Variants in ZNF516 observed in about 807,000 individuals in gnomAD.
The protein encoded by ZNF516 is zinc finger protein 516.
ZNF516 carries 19 observed loss-of-function variants against 79.7 expected under a neutral mutation model. The ratio of observed to expected loss-of-function variants is 0.24; its 90% CI spans 0.17 to 0.35. The LOEUF is 0.35. Ranked by LOEUF, ZNF516 falls within the 10% of genes least tolerant of loss-of-function variation. ZNF516 has a pLI of 1.00. For missense variants in ZNF516, 1,678 were observed against 1,679.5 expected (o/e 1.00, Z 0.02); for synonymous variants, 877 against 739.5 (o/e 1.19, Z -3.02).
At chr18:76,377,359 T>C (rs2074805093) in intron 4 of ZNF516, among the ~76,000 whole-genome samples, 1 of 152,268 alleles carries the variant, frequency 6.6e-6, no homozygotes, top group Non-Finnish European at 1.5e-5. Context: ...AAAGCAGGAA[T>C]GTAACAAGGT....
At chr18:76,408,049 A>G (rs1367542443) in intron 3 of ZNF516, among the ~76,000 whole-genome samples, 1 of 152,194 alleles carries the variant, frequency 6.6e-6, no homozygotes, top group Non-Finnish European at 1.5e-5. Context: ...CACCATTTTA[A>G]AAGGACCAGA....
chr18:76,431,074 T>C (rs1599076973), intron 3 of ZNF516, among the ~76,000 whole-genome samples: 1 of 152,230 alleles, frequency 6.6e-6, no homozygotes, highest in Admixed American at 6.5e-5. Context: ...CATTTTAATA[T>C]GCAAAGGCTT....
intron 3 of ZNF516, among the ~76,000 whole-genome samples, chr18:76,416,340 C>G (rs1283218453): frequency 1.3e-5 from 2 of 152,216 alleles, no homozygotes; most frequent in African/African-American, 2.4e-5. Context: ...TGATGCTCCC[C>G]AAGTCTGTGA....
At position 76,451,004 on chromosome 18, in the gene ZNF516, A is replaced by G. The variant is rs1012788671; in HGVS notation, c.-157-7793T>C. 6.6e-6 allele frequency among the ~76,000 whole-genome samples: 1 copy of G among 152,202 alleles called. No homozygotes were observed. Among genetic ancestry groups the G allele is most frequent in the Non-Finnish European group, 1.5e-5 (1 of 68,036 alleles). On this transcript the variant is annotated intron_variant, in intron 2 of 6. Transcript: ENST00000443185. This position sits in a 1 kb window ranked among gnomAD's most constrained non-coding sequence, Gnocchi z 6.0. Reference sequence around the variant, plus strand: ...TCTCGTATTTAGAGTCATTTCCTCAACAATCGAACGCTTAAAGTTGCGGAA... The same window carrying G: ...TCTCGTATTTAGAGTCATTTCCTCAGCAATCGAACGCTTAAAGTTGCGGAA...
chr18:76,392,803 G>T (rs111647242), intron 3 of ZNF516, among the ~76,000 whole-genome samples: 1,139 of 34,490 alleles, frequency 0.033, 108 homozygotes, highest in East Asian at 0.056. Context: ...CAGGTGGCCA[G>T]GTGGGGGAAA....
rs1419323394 is a variant in ZNF516, at chr18:76,358,230, AGAAT to A, written c.*4264_*4267del. ...GTTTTTATTTATTTCAAATTCCAAT[AGAAT>A]GAATATGTTTTATCTAAATATTTTT... On this transcript the variant is annotated 3_prime_UTR_variant, in exon 7 of 7. Coordinates refer to ENST00000443185, the MANE Select transcript of ZNF516 (RefSeq NM_014643.4). 1 of 152,242 alleles carries A rather than the reference AGAAT, an allele frequency of 6.6e-6. No homozygotes were observed. The highest frequency in any genetic ancestry group is 2.4e-5 in the African/African-American group (1 of 41,464). The allele number at this position is 152,242 out of a possible 1,614,324, so 9.4% of individuals were successfully genotyped here.
chr18:76,492,179 C>T (rs1399150814), intron 1 of ZNF516: 1 of 985,302 alleles, frequency 1.0e-6, no homozygotes, highest in African/African-American at 1.7e-5. Flanking sequence ...GGTACAGAAG[C>T]GCAGCAACCC....
intron 3 of ZNF516, among the ~76,000 whole-genome samples, chr18:76,439,597 T>C (rs2075787549): frequency 6.6e-6 from 1 of 152,152 alleles, no homozygotes; most frequent in Non-Finnish European, 1.5e-5. Context: ...AAAGAGTACC[T>C]TCCAATTTAT....
chr18:76,374,316 T>C (rs1036314811), intron 4 of ZNF516, among the ~76,000 whole-genome samples: 3 of 152,240 alleles, frequency 2.0e-5, no homozygotes, highest in Admixed American at 2.0e-4. Context: ...TTATTACTGT[T>C]GTAGCAATAA....
intron 3 of ZNF516, among the ~76,000 whole-genome samples, chr18:76,426,739 T>C (rs971913450): frequency 2.0e-5 from 3 of 152,218 alleles, no homozygotes; most frequent in Non-Finnish European, 4.4e-5. Flanking sequence ...TTCTCATCTA[T>C]GTGCAGCATC....
intron 3 of ZNF516, among the ~76,000 whole-genome samples, chr18:76,398,570 G>C (rs921423848): frequency 1.3e-5 from 2 of 152,202 alleles, no homozygotes; most frequent in Non-Finnish European, 2.9e-5. Flanking sequence ...TTAGAGTAAG[G>C]AGGAGAGCAG....
intron 2 of ZNF516, among the ~76,000 whole-genome samples, chr18:76,448,914 G>A (rs765751699): frequency 2.0e-5 from 3 of 152,182 alleles, no homozygotes; most frequent in Non-Finnish European, 4.4e-5. Flanking sequence ...GGAGGGAAGC[G>A]ATTCACTATA....
Position 76,443,043 on chromosome 18 carries a change from G to C in ZNF516, c.12C>G (p.Asn4Lys), listed in dbSNP as rs754764602. 8 of 1,590,896 alleles carry C rather than the reference G, an allele frequency of 5.0e-6. No homozygotes were observed. The highest frequency in any genetic ancestry group is 2.3e-5 in the East Asian group (1 of 44,396). The stretch of plus-strand genomic sequence containing the variant: ...GCCTCAGCTCCATCTCGGCCTCTCT[G>C]TTGCGATCCATCCGAAGGACGGGCG... MDR[N>K]REAEMELRRG... is the part of the protein sequence containing the mutation. Residue 4 changes from asparagine to lysine, a missense_variant, in exon 3 of 7, where the codon AAC becomes AAG. Asn to Lys is a moderately conservative substitution (Grantham distance 94). Transcript: ENST00000443185.
At chr18:76,480,177 AAAAAAG>A in intron 1 of ZNF516, among the ~76,000 whole-genome samples, 1 of 151,632 alleles carries the variant, frequency 6.6e-6, no homozygotes, top group African/African-American at 2.4e-5. Flanking sequence ...AAAAAAAAAA[AAAAAAG>A]AACAAAAAAA....
At position 76,404,980 on chromosome 18, in the gene ZNF516, C is replaced by T. The variant is rs1241267065; in HGVS notation, c.1811-24677G>A. Among the ~76,000 whole-genome samples the T allele has an allele frequency of 2.6e-5, 4 of 152,262 alleles. No individual in the cohort carries two copies. The South Asian group carries it at 8.3e-4, about 32-fold the overall frequency. The stretch of plus-strand genomic sequence containing the variant: ...TCCCCCTACCCTCCTTGGTCCCCTC[C>T]CCACACATGCAGCAACCCAGGTATA... On this transcript the variant is annotated intron_variant, in intron 3 of 6. Transcript: ENST00000443185.
Position 76,493,063 on chromosome 18 carries a change from C to T in ZNF516, c.-272+2081G>A, listed in dbSNP as rs1165515086. ...TGGCCAGCAGAGCCGTCACTCACGC[C>T]CAGGGGGCAGGGAGACTTCGCAAAG... On this transcript the variant is annotated intron_variant, in intron 1 of 6. Transcript: ENST00000443185. The surrounding 1 kb of genome is among the most constrained non-coding windows in gnomAD (Gnocchi z 5.2). 2.0e-6 allele frequency: 2 copies of T among 985,186 alleles called. No individual in the cohort carries two copies. The highest frequency in any genetic ancestry group is 2.4e-6 in the Non-Finnish European group (2 of 829,886). 61.0% of individuals were successfully genotyped at this position (985,186 alleles called of 1,614,324 possible). A position where few individuals can be genotyped will look rare whatever the true frequency, so the allele number is the denominator to read the frequency against.
In ZNF516 at chr18:76,439,378, G is replaced by A. The variant is rs902744845; in HGVS notation, c.1810+1867C>T. ...CTCTTCCATGTTTCATGCCTCTGTC[G>A]AGCCATAAATTTCTGTCCTCTCTCA... On this transcript the variant is annotated intron_variant, in intron 3 of 6. Coordinates refer to ENST00000443185, the MANE Select transcript of ZNF516 (RefSeq NM_014643.4). Among the ~76,000 whole-genome samples the A allele has an allele frequency of 5.3e-5, 8 of 152,096 alleles. 1 individual carries two copies. Among genetic ancestry groups the A allele is most frequent in the African/African-American group, 1.4e-4 (6 of 41,396 alleles).
At position 76,379,742 on chromosome 18, in the gene ZNF516, G is replaced by A. The variant is rs1283659247; in HGVS notation, c.2372C>T (p.Ala791Val). Residue 791 changes from alanine to valine, a missense_variant, in exon 4 of 7, where the codon GCT becomes GTT. By Grantham distance (64) the Ala-to-Val change is moderately conservative. This residue lies in a region of ZNF516 where 1,294 missense variants were observed against 1,248.3 expected (regional missense o/e 1.04). Transcript: ENST00000443185. ...IWHRVSCNSVAPPWIQPNGYK... is the reference protein window; with the variant it reads ...IWHRVSCNSVVPPWIQPNGYK... ...ACCATTGGGCTGAATCCACGGGGGA[G>A]CCACGGAGTTGCAGCTGACGCGGTG... is the stretch of plus-strand genomic sequence containing the variant. 1 of 1,613,934 alleles carries A rather than the reference G, an allele frequency of 6.2e-7. No individual in the cohort carries two copies. Among genetic ancestry groups the A allele is most frequent in the Admixed American group, 1.7e-5 (1 of 60,022 alleles).
At chr18:76,431,076 C>T (rs2075654235) in intron 3 of ZNF516, among the ~76,000 whole-genome samples, 1 of 152,116 alleles carries the variant, frequency 6.6e-6, no homozygotes, top group South Asian at 2.1e-4. Flanking sequence ...TTTTAATATG[C>T]AAAGGCTTAT....
Sources: gnomAD v4.1 joint callset for allele counts (sites outside exome capture counted in the v4.1 genomes callset) on GRCh38, gnomAD v4.1.1 for gene constraint, gnomAD v4.1.1 regional missense constraint, Gnocchi (gnomAD v3.1) non-coding constraint, MANE v1.5 for transcripts, NCBI Gene and HGNC (gene_info 2026-07-23, HGNC 2026-07-21) for gene names.